Variants in TG observed in about 807,000 individuals in gnomAD.
The protein encoded by TG is thyroglobulin.
Under a neutral mutation model 324.7 loss-of-function variants are expected in TG, and 270 were observed. The observed-to-expected ratio is 0.83, with a 90% CI of 0.75 to 0.92. TG has a LOEUF of 0.92. Ranked by LOEUF, TG falls within the 40% of genes least tolerant of loss-of-function variation. The probability of loss-of-function intolerance (pLI) is 0.00; values close to 1 mark genes in which losing one functional copy is unlikely to be tolerated. For synonymous variants in TG, 1,401 were observed against 1,327.0 expected (o/e 1.06, Z -1.21); for missense variants, 3,591 against 3,456.4 (o/e 1.04, Z -0.98).
intron 41 of TG, among the ~76,000 whole-genome samples, chr8:133,053,673 AC>A (rs1437119668): frequency 1.3e-5 from 2 of 152,224 alleles, no homozygotes; most frequent in Non-Finnish European, 2.9e-5. Context: ...GTGGAACAGA[AC>A]AATTGTCTTT....
At chr8:132,882,180 A>C (rs1814736994) in intron 6 of TG, among the ~76,000 whole-genome samples, 1 of 152,260 alleles carries the variant, frequency 6.6e-6, no homozygotes, top group Non-Finnish European at 1.5e-5. Context: ...GCCTTTGTGC[A>C]CATTGGAAAG....
In TG at chr8:132,886,433, C is replaced by G; in HGVS notation, c.1076-15C>G. Reference sequence around the variant, plus strand: ...CATTAAAACCTTTTCTCCCATTTCACTTTGTCTCATGCAGCTGAAGGCCAA... The same window carrying G: ...CATTAAAACCTTTTCTCCCATTTCAGTTTGTCTCATGCAGCTGAAGGCCAA... On this transcript the variant is annotated splice_polypyrimidine_tract_variant and intron_variant, in intron 8 of 47. Coordinates refer to ENST00000220616, the MANE Select transcript of TG (RefSeq NM_003235.5). 1 of 1,614,148 alleles carries G rather than the reference C, an allele frequency of 6.2e-7. No homozygotes were observed. The highest frequency in any genetic ancestry group is 8.5e-7 in the Non-Finnish European group (1 of 1,180,006).
intron 6 of TG, among the ~76,000 whole-genome samples, chr8:132,882,245 T>C (rs1343167113): frequency 6.6e-6 from 1 of 152,264 alleles, no homozygotes; most frequent in African/African-American, 2.4e-5. Context: ...GAGCACAGGA[T>C]GGATTTAATC....
intron 24 of TG, 100 bp from the exon 25 acceptor site, chr8:132,935,656 G>A: frequency 9.4e-7 from 1 of 1,061,846 alleles, no homozygotes; most frequent in Admixed American, 1.9e-5. Context: ...ACTTACCTTT[G>A]TAGCCCTGGT....
rs376711807 is a variant in TG at position 133,070,029 on chromosome 8, A to AAAC, written c.7240-25014_7240-25013insACA. The stretch of plus-strand genomic sequence containing the variant: ...AAAAAAAAAAAAAAAAAAAAAAAGA[A>AAAC]AGAAAGAAAGAAAAGAAAAGAAGAA... On this transcript the variant is annotated intron_variant, in intron 41 of 47. Transcript: ENST00000220616. 2.0e-3 allele frequency among the ~76,000 whole-genome samples: 223 copies of AAAC among 109,760 alleles called. 43 individuals carry two copies. The highest frequency in any genetic ancestry group is 3.9e-3 in the South Asian group (12 of 3,072). The allele number at this position is 109,760 out of a possible 152,430, so 72.0% of individuals were successfully genotyped here. A position where few individuals can be genotyped will look rare whatever the true frequency, so the allele number is the denominator to read the frequency against.
At chr8:133,095,765 C>G (rs1212203052) in intron 42 of TG, among the ~76,000 whole-genome samples, 1 of 152,214 alleles carries the variant, frequency 6.6e-6, no homozygotes. Context: ...AATTGATGGC[C>G]TGATCGCCTT....
chr8:132,995,152 C>A, intron 35 of TG: 1 of 969,668 alleles, frequency 1.0e-6, no homozygotes, highest in Non-Finnish European at 1.2e-6. Flanking sequence ...TAATTCTATT[C>A]CTACTCTATG....
At chr8:133,046,077 G>A (rs1278663058) in intron 41 of TG, among the ~76,000 whole-genome samples, 1 of 152,194 alleles carries the variant, frequency 6.6e-6, no homozygotes, top group Admixed American at 6.5e-5. Flanking sequence ...ATATGGGTTG[G>A]TAAGAGTAGA....
chr8:132,919,313 C>A (rs1820803971), intron 20 of TG, 63 bp from the exon 21 acceptor site: 5 of 1,551,396 alleles, frequency 3.2e-6, no homozygotes, highest in Non-Finnish European at 4.4e-6. Flanking sequence ...CCTGTGTGTT[C>A]TGGGATTGTA....
At chr8:132,957,322 A>C (rs1432748619) in intron 27 of TG, among the ~76,000 whole-genome samples, 1 of 151,764 alleles carries the variant, frequency 6.6e-6, no homozygotes, top group East Asian at 1.9e-4. Flanking sequence ...TGAACTTAAG[A>C]CAGCATATTT....
chr8:133,091,197 C>G (rs942131612), intron 41 of TG, among the ~76,000 whole-genome samples: 2 of 152,240 alleles, frequency 1.3e-5, no homozygotes, highest in African/African-American at 4.8e-5. Flanking sequence ...GGCACTGCTG[C>G]AAGGGCTTTG....
intron 34 of TG, 44 bp downstream of exon 34, chr8:132,972,785 A>G: frequency 6.2e-7 from 1 of 1,612,442 alleles, no homozygotes; most frequent in South Asian, 1.1e-5. Flanking sequence ...TCTTTAGTTA[A>G]CTATTTCCCA....
intron 23 of TG, among the ~76,000 whole-genome samples, chr8:132,932,653 A>T (rs1005324590): frequency 2.0e-5 from 3 of 152,220 alleles, no homozygotes; most frequent in Non-Finnish European, 4.4e-5. Flanking sequence ...GTTACTCATG[A>T]ATATTACACA....
chr8:132,872,543 A>AG (rs1839592371), intron 4 of TG, among the ~76,000 whole-genome samples: 1 of 151,980 alleles, frequency 6.6e-6, no homozygotes. Flanking sequence ...GAAGAGAGAG[A>AG]AAAAAATTAT....
rs571912602 is a variant in TG, at chr8:133,027,298, G to A, written c.7037-2523G>A. On this transcript the variant is annotated intron_variant, in intron 40 of 47. Coordinates refer to ENST00000220616, the MANE Select transcript of TG (RefSeq NM_003235.5). Reference sequence around the variant, plus strand: ...CAGGAGGTACGGGGCAGACCAGGGCGGGTGGCAGTGGATGGAGAAGAGTGT... The same window carrying A: ...CAGGAGGTACGGGGCAGACCAGGGCAGGTGGCAGTGGATGGAGAAGAGTGT... Among the ~76,000 whole-genome samples, 8 of 152,356 alleles carry A rather than the reference G, an allele frequency of 5.3e-5. No individual in the cohort carries two copies. In the East Asian group the frequency reaches 1.2e-3, roughly 22 times the overall value.
intron 43 of TG, among the ~76,000 whole-genome samples, chr8:133,097,865 A>C (rs553836782): frequency 6.6e-6 from 1 of 152,304 alleles, no homozygotes; most frequent in Non-Finnish European, 1.5e-5. Flanking sequence ...TGAGGTTTGC[A>C]TGTGAAGTTG....
chr8:132,897,639 C>G lies in TG; in HGVS notation c.3002-10C>G, dbSNP rs1285939488. 2 of 1,614,196 alleles carry G rather than the reference C, an allele frequency of 1.2e-6. No individual in the cohort carries two copies. The highest frequency in any genetic ancestry group is 1.7e-6 in the Non-Finnish European group (2 of 1,180,030). On this transcript the variant is annotated splice_polypyrimidine_tract_variant and intron_variant, in intron 11 of 47. Transcript: ENST00000220616. The stretch of plus-strand genomic sequence containing the variant: ...GGTCATATTCTGCTTTTCTCCTTCC[C>G]TGACTCCAGCCTTAAGCTTCTATCA...
intron 35 of TG, among the ~76,000 whole-genome samples, chr8:132,991,853 C>T (rs2130771792): frequency 6.6e-6 from 1 of 152,136 alleles, no homozygotes; most frequent in East Asian, 1.9e-4. Context: ...CTGGCAGCCC[C>T]CTGGACCTCT....
chr8:133,083,065 A>C (rs980601101), intron 41 of TG, among the ~76,000 whole-genome samples: 1 of 152,230 alleles, frequency 6.6e-6, no homozygotes, highest in Non-Finnish European at 1.5e-5. Context: ...CCTAGTTGCT[A>C]TAGAAATAGT....
Sources: allele counts gnomAD v4.1 joint callset (sites outside exome capture counted in the v4.1 genomes callset), GRCh38; gene constraint gnomAD v4.1.1; transcripts MANE v1.5; gene names NCBI Gene and HGNC (gene_info 2026-07-23, HGNC 2026-07-21).